EPN3: variants seen among roughly 807,000 people sequenced by gnomAD.
EPN3 encodes epsin-3.
EPN3 carries 56 observed loss-of-function variants against 55.5 expected under a neutral mutation model. The observed-to-expected ratio is 1.01, with a 90% CI of 0.81 to 1.26. EPN3 has a LOEUF of 1.26. EPN3 is among the 50% of genes most tolerant of loss of function. The pLI is 0.00. For missense variants in EPN3, 927 were observed against 853.4 expected, an observed-to-expected ratio of 1.09 and a Z score of -1.07; for synonymous variants, 449 against 375.2, an observed-to-expected ratio of 1.20 and a Z score of -2.27.
intron 2 of EPN3, chr17:50,537,857 G>A (rs573682387): frequency 1.6e-5 from 8 of 493,728 alleles, no homozygotes; most frequent in East Asian, 6.8e-5. Flanking sequence ...CCTAAGTGCC[G>A]CCTGTGCATC....
At chr17:50,540,132 A>G (rs62059698) in intron 5 of EPN3, 115 bp from the exon 6 acceptor site, 161,304 of 726,276 alleles carry the variant, frequency 0.22, 27,974 homozygotes, top group East Asian at 0.83. Flanking sequence ...GATCATGAAT[A>G]GGTATCTGTG....
Position 50,541,564 on chromosome 17 carries a change from G to A in EPN3, c.1455G>A (p.Gln485=). 1 of 1,614,212 alleles carries A rather than the reference G, an allele frequency of 6.2e-7. No individual in the cohort carries two copies. The highest frequency in any genetic ancestry group is 8.5e-7 in the Non-Finnish European group (1 of 1,180,040). Residue 485 remains glutamine (Q), a synonymous_variant, in exon 9 of 10, where the codon CAG becomes CAA. Coordinates refer to ENST00000268933, the MANE Select transcript of EPN3 (RefSeq NM_017957.3). The stretch of plus-strand genomic sequence containing the variant: ...GCATACTAGGGGAAGCACTAACCCA[G>A]CCAAGCAAAGAGGCCCGAGCTTGCC... ...DLGILGEALT[Q]PSKEARACRT...
At position 50,541,212 on chromosome 17, in the gene EPN3, C is replaced by G. The variant is rs548770299; in HGVS notation, c.1250-17C>G. The G allele has an allele frequency of 6.2e-7, 1 of 1,613,278 alleles. No individual in the cohort carries two copies. The highest frequency in any genetic ancestry group is 1.1e-5 in the South Asian group (1 of 91,058). On this transcript the variant is annotated splice_polypyrimidine_tract_variant and intron_variant, in intron 7 of 9. Transcript: ENST00000268933. The stretch of plus-strand genomic sequence containing the variant: ...CCTTTTTGTCAACCCATCTCCTCTT[C>G]CTCTCTCTCTTCCGAGGTGGTGCCT...
In EPN3 at chr17:50,540,909, A is replaced by T. The variant is rs147395970; in HGVS notation, c.1096A>T (p.Met366Leu). 6.2e-7 allele frequency: 1 copy of T among 1,614,074 alleles called. No homozygotes were observed. The highest frequency in any genetic ancestry group is 1.6e-4 in the Middle Eastern group (1 of 6,062). The stretch of plus-strand genomic sequence containing the variant: ...AAGCCAGCCCTGGGATCTGACTCCC[A>T]TGCTCTCCTCCTCTGAGCCCTGGGG... Reference protein sequence around the residue: ...SRSQPWDLTPMLSSSEPWGRT... With the variant: ...SRSQPWDLTPLLSSSEPWGRT... The change falls in exon 7 of 10, where the codon ATG (methionine) becomes TTG (leucine). Residue 366 changes from methionine to leucine, a missense_variant. Transcript: ENST00000268933.
rs759466135 is a variant in EPN3 at position 50,541,468 on chromosome 17, G to A, written c.1359G>A (p.Leu453=). ...PSGKPSSPVE[L]DLFGDPSPSS... ...GCTCTAGCATTTCTATTCCAGAGCT[G>A]GACCTGTTTGGAGACCCCAGCCCCA... The change falls in exon 9 of 10, where the codon CTG becomes CTA. Residue 453 remains leucine (L), a synonymous_variant. Coordinates refer to ENST00000268933, the MANE Select transcript of EPN3 (RefSeq NM_017957.3). The A allele has an allele frequency of 1.9e-6, 3 of 1,613,928 alleles. No individual in the cohort carries two copies. The highest frequency in any genetic ancestry group is 1.7e-5 in the Admixed American group (1 of 60,022).
rs199800483 is a variant in EPN3, at chr17:50,539,256, C to A, written c.832C>A (p.Arg278=). ...TGCAGGGGCCGTGGTCCACCATCAG[C>A]GGGACAGAGAGCCTGAGAGAGAAGA... ...NGAGAVVHHQ[R]DREPEREERK... The change falls in exon 5 of 10, where the codon CGG becomes AGG. Residue 278 remains arginine, a synonymous_variant. Transcript: ENST00000268933. The A allele has an allele frequency of 6.2e-7, 1 of 1,614,080 alleles. No individual in the cohort carries two copies. Among genetic ancestry groups the A allele is most frequent in the South Asian group, 1.1e-5 (1 of 91,084 alleles).
chr17:50,541,728 TC>T, intron 9 of EPN3, 34 bp downstream of exon 9: 1 of 1,609,238 alleles, frequency 6.2e-7, no homozygotes, highest in Non-Finnish European at 8.5e-7. Flanking sequence ...ACCCAGGGGC[TC>T]CTGCTTTCAG....
At position 50,542,196 on chromosome 17, in the gene EPN3, A is replaced by G. The variant is rs765279067; in HGVS notation, c.*39A>G. On this transcript the variant is annotated 3_prime_UTR_variant, in exon 10 of 10. Coordinates refer to ENST00000268933, the MANE Select transcript of EPN3 (RefSeq NM_017957.3). ...CCATACCGGCCTGCGCCTGCGCCGG[A>G]CGCTCCGCGGCCCCGCCTCCGGACC... 17 of 1,432,140 alleles carry G rather than the reference A, an allele frequency of 1.2e-5. No individual in the cohort carries two copies. The South Asian group carries it at 1.8e-4, about 16-fold the overall frequency. The allele number at this position is 1,432,140 out of a possible 1,614,324, so 88.7% of individuals were successfully genotyped here.
rs750646521 is a variant in EPN3, at chr17:50,542,099, C to A, written c.1841C>A (p.Pro614Gln). Residue 614 changes from proline (P) to glutamine (Q), a missense_variant, in exon 10 of 10, where the codon CCG becomes CAG. Physicochemically the swap from Pro to Gln is moderately conservative, Grantham distance 76 (BLOSUM62 -1). Transcript: ENST00000268933. ...AFAPQPLLPT[P>Q]SSAGPRPPPP... ...GCACCGCAGCCGCTGCTGCCCACGC[C>A]GAGCTCAGCCGGGCCGCGGCCCCCG... The A allele has an allele frequency of 1.3e-6, 2 of 1,556,726 alleles. No homozygotes were observed. Among genetic ancestry groups the A allele is most frequent in the Non-Finnish European group, 1.7e-6 (2 of 1,161,792 alleles).
Position 50,539,200 on chromosome 17 carries a change from G to C in EPN3, c.776G>C (p.Trp259Ser), listed in dbSNP as rs1214338537. Reference sequence around the variant, plus strand: ...TGCCTTCTGCAGGAGGTGAGGTCCTGGCAGGGTGATGGCTCCCCCATGGCC... The same window carrying C: ...TGCCTTCTGCAGGAGGTGAGGTCCTCGCAGGGTGATGGCTCCCCCATGGCC... ...RQEHEKEVRS[W>S]QGDGSPMANG... The change falls in exon 5 of 10, where the codon TGG becomes TCG. Residue 259 changes from tryptophan to serine, a missense_variant. Physicochemically the swap from Trp to Ser is radical, Grantham distance 177. Coordinates refer to ENST00000268933, the MANE Select transcript of EPN3 (RefSeq NM_017957.3). The C allele has an allele frequency of 6.2e-7, 1 of 1,614,070 alleles. No homozygotes were observed. The highest frequency in any genetic ancestry group is 1.1e-5 in the South Asian group (1 of 91,068).
Position 50,538,209 on chromosome 17 carries a change from C to T in EPN3, c.681+12C>T, listed in dbSNP as rs755882867. 3 of 1,599,180 alleles carry T rather than the reference C, an allele frequency of 1.9e-6. No individual in the cohort carries two copies. The highest frequency in any genetic ancestry group is 8.5e-7 in the Non-Finnish European group (1 of 1,173,070). On this transcript the variant is annotated intron_variant, in intron 3 of 9. Coordinates refer to ENST00000268933, the MANE Select transcript of EPN3 (RefSeq NM_017957.3). Reference sequence around the variant, plus strand: ...AGGAGGCAGAGAAGGTGAGGCCATGCAGCCCCACTGCGGTGGGGAGGGGAT... The same window carrying T: ...AGGAGGCAGAGAAGGTGAGGCCATGTAGCCCCACTGCGGTGGGGAGGGGAT...
At chr17:50,533,063 T>A in intron 1 of EPN3, 78 bp downstream of exon 1, 1 of 926,450 alleles carries the variant, frequency 1.1e-6, no homozygotes, top group Middle Eastern at 3.0e-4. Context: ...ACAGTGGTTC[T>A]GGGGCTTAGT....
At position 50,542,314 on chromosome 17, in the gene EPN3, C is replaced by T; in HGVS notation, c.*157C>T. Reference sequence around the variant, plus strand: ...TCTGGAAGCTGGACGCGGACCACGGCCCGGGAGCTAGAAACTGAACGCCCG... The same window carrying T: ...TCTGGAAGCTGGACGCGGACCACGGTCCGGGAGCTAGAAACTGAACGCCCG... On this transcript the variant is annotated 3_prime_UTR_variant, in exon 10 of 10. Transcript: ENST00000268933. 1 of 721,884 alleles carries T rather than the reference C, an allele frequency of 1.4e-6. No homozygotes were observed. The highest frequency in any genetic ancestry group is 3.6e-5 in the East Asian group (1 of 27,690). The allele number at this position is 721,884 out of a possible 1,614,324, so 44.7% of individuals were successfully genotyped here.
intron 3 of EPN3, 21 bp downstream of exon 3, chr17:50,538,218 T>G: frequency 6.3e-7 from 1 of 1,575,012 alleles, no homozygotes; most frequent in Non-Finnish European, 8.7e-7. Context: ...GCAGCCCCAC[T>G]GCGGTGGGGA....
At chr17:50,537,271 G>A in intron 2 of EPN3, 153 bp downstream of exon 2, 1 of 754,124 alleles carries the variant, frequency 1.3e-6, no homozygotes, top group South Asian at 1.9e-5. Flanking sequence ...GCAACACCCG[G>A]CACATAGGAG....
chr17:50,538,726 A>G, intron 3 of EPN3, 158 bp from the exon 4 acceptor site: 1 of 527,156 alleles, frequency 1.9e-6, no homozygotes, highest in East Asian at 3.1e-5. Flanking sequence ...AGGCAGGGAG[A>G]AGGCCACGCC....
chr17:50,534,442 C>T, intron 1 of EPN3: 1 of 985,504 alleles, frequency 1.0e-6, no homozygotes, highest in Non-Finnish European at 1.2e-6. Flanking sequence ...TCTGCTAGTT[C>T]CAGCGGCCAG....
intron 1 of EPN3, among the ~76,000 whole-genome samples, chr17:50,535,320 C>T (rs1270439872): frequency 6.6e-6 from 1 of 152,226 alleles, no homozygotes; most frequent in Non-Finnish European, 1.5e-5. Flanking sequence ...GATTAGTCTT[C>T]TGGAGTCCTG....
Position 50,532,797 on chromosome 17 carries a change from G to C in EPN3, c.-325G>C, listed in dbSNP as rs928022534. The C allele has an allele frequency of 2.5e-5, 25 of 985,442 alleles. No homozygotes were observed. The African/African-American group carries it at 4.2e-4, about 17-fold the overall frequency. The allele number at this position is 985,442 out of a possible 1,614,324, so 61.0% of individuals were successfully genotyped here. On this transcript the variant is annotated 5_prime_UTR_variant, in exon 1 of 10. Transcript: ENST00000268933. Reference sequence around the variant, plus strand: ...GCGGGAAGAGCTGCTACCCATTCCAGGGACCCTGCCGCTGCCCCTCTGAGG... The same window carrying C: ...GCGGGAAGAGCTGCTACCCATTCCACGGACCCTGCCGCTGCCCCTCTGAGG...
Sources: gnomAD v4.1 joint callset for allele counts (sites outside exome capture counted in the v4.1 genomes callset) on GRCh38, gnomAD v4.1.1 for gene constraint, MANE v1.5 for transcripts, NCBI Gene and HGNC (gene_info 2026-07-23, HGNC 2026-07-21) for gene names.